Variants in RAPH1 observed in about 807,000 individuals in gnomAD.
RAPH1 encodes the protein ras-associated and pleckstrin homology domains-containing protein 1.
A neutral mutation model predicts 88.1 loss-of-function variants in RAPH1; 18 were observed. The observed-to-expected ratio is 0.20, with a 90% CI of 0.14 to 0.30. The LOEUF is 0.30. Among genes scored for constraint, RAPH1 ranks in the 10% least tolerant of loss-of-function variants. The probability of loss-of-function intolerance (pLI) is 1.00; values close to 1 mark genes in which losing one functional copy is unlikely to be tolerated. For missense variants in RAPH1, 1,448 were observed against 1,543.2 expected (o/e 0.94, Z 1.03); for synonymous variants, 587 against 559.0 (o/e 1.05, Z -0.71).
intron 4 of RAPH1, among the ~76,000 whole-genome samples, chr2:203,466,273 TTA>T (rs2098528384): frequency 6.6e-6 from 1 of 152,212 alleles, no homozygotes; most frequent in Non-Finnish European, 1.5e-5. Context: ...ATGAAAATGT[TTA>T]TGTCAAATTG....
chr2:203,441,784 A>T (rs2098504459), intron 13 of RAPH1: 1 of 1,283,550 alleles, frequency 7.8e-7, no homozygotes, highest in Non-Finnish European at 9.8e-7. Context: ...TCCTCTGAGC[A>T]CTGGACTTCC....
intron 1 of RAPH1, among the ~76,000 whole-genome samples, chr2:203,527,318 A>T (rs372688375): frequency 3.1e-4 from 47 of 152,266 alleles, no homozygotes; most frequent in African/African-American, 1.1e-3. Flanking sequence ...CACACACCAT[A>T]CAAAGTAACA....
intron 1 of RAPH1, among the ~76,000 whole-genome samples, chr2:203,518,091 T>TA (rs771317648): frequency 1.5e-4 from 23 of 151,738 alleles, no homozygotes; most frequent in South Asian, 1.0e-3. Context: ...AAATTAAATT[T>TA]AAAAAATCAA....
rs895844884 is a variant in RAPH1, at chr2:203,441,349, T to G, written c.1841A>C (p.Lys614Thr). ...TGAAGCAGTGTAGGGGGTGACTATC[T>G]TAGGTTGCGGGGATAAAGGGGGCAC... ...SLVPPLSPQP[K>T]IVTPYTASQP... is the part of the protein sequence containing the mutation. Residue 614 changes from lysine (K) to threonine (T), a missense_variant, in exon 14 of 14, where the codon AAG becomes ACG. Transcript: ENST00000319170. 6.3e-7 allele frequency: 1 copy of G among 1,577,718 alleles called. No homozygotes were observed. The highest frequency in any genetic ancestry group is 1.4e-5 in the African/African-American group (1 of 73,658).
At chr2:203,528,997 ATATATATATTTTTTTTTTT>A (rs1455166507) in intron 1 of RAPH1, among the ~76,000 whole-genome samples, 1 of 81,104 alleles carries the variant, frequency 1.2e-5, no homozygotes, top group African/African-American at 6.6e-5. Flanking sequence ...ATATATATAT[ATATATATATTTTTTTTTTT>A]TTTTTTTTTT....
At chr2:203,470,554 ATCCC>A (rs751937134) in intron 4 of RAPH1, among the ~76,000 whole-genome samples, 4 of 152,216 alleles carry the variant, frequency 2.6e-5, no homozygotes, top group Non-Finnish European at 5.9e-5. Context: ...ACTCCTGCTG[ATCCC>A]TCCCTCTTTG....
At chr2:203,508,503 G>A (rs889279780) in intron 1 of RAPH1, among the ~76,000 whole-genome samples, 2 of 152,184 alleles carry the variant, frequency 1.3e-5, no homozygotes, top group South Asian at 2.1e-4. Flanking sequence ...TGGCACCAGG[G>A]GGACTGGTTC....
At chr2:203,468,756 G>A (rs753383807) in intron 4 of RAPH1, among the ~76,000 whole-genome samples, 1 of 152,134 alleles carries the variant, frequency 6.6e-6, no homozygotes, top group African/African-American at 2.4e-5. Flanking sequence ...CTTCATCTGA[G>A]AGCTGTGTAT....
intron 4 of RAPH1, among the ~76,000 whole-genome samples, chr2:203,487,090 T>C (rs1304751661): frequency 6.6e-6 from 1 of 152,208 alleles, no homozygotes; most frequent in African/African-American, 2.4e-5. Context: ...CTATACTGTA[T>C]GAACTTTTAT....
In RAPH1 at chr2:203,437,721, C is replaced by G. The variant is rs1206191211; in HGVS notation, c.*1716G>C. On this transcript the variant is annotated 3_prime_UTR_variant, in exon 14 of 14. Transcript: ENST00000319170. Reference sequence around the variant, plus strand: ...TATGCAAGACCTTGAGTATACTGTACTAATTAAGCACTTTTGCTCATTCTA... The same window carrying G: ...TATGCAAGACCTTGAGTATACTGTAGTAATTAAGCACTTTTGCTCATTCTA... 5.6e-6 allele frequency: 1 copy of G among 179,778 alleles called. No homozygotes were observed. Among genetic ancestry groups the G allele is most frequent in the Non-Finnish European group, 1.2e-5 (1 of 86,474 alleles). The allele number at this position is 179,778 out of a possible 1,614,324, so 11.1% of individuals were successfully genotyped here. A position where few individuals can be genotyped will look rare whatever the true frequency, so the allele number is the denominator to read the frequency against.
At chr2:203,479,808 G>A (rs1348012779) in intron 4 of RAPH1, among the ~76,000 whole-genome samples, 1 of 152,002 alleles carries the variant, frequency 6.6e-6, no homozygotes, top group Admixed American at 6.6e-5. Flanking sequence ...TGAATAAAAA[G>A]GGATTATAGA....
chr2:203,481,655 G>A (rs1048568353), intron 4 of RAPH1, among the ~76,000 whole-genome samples: 5 of 148,570 alleles, frequency 3.4e-5, no homozygotes, highest in Non-Finnish European at 7.4e-5. Flanking sequence ...ACAGTGGCAT[G>A]ATCTTGGCTC....
At chr2:203,490,118 G>A in intron 3 of RAPH1, 29 bp from the exon 4 acceptor site, 1 of 1,539,686 alleles carries the variant, frequency 6.5e-7, no homozygotes, top group Non-Finnish European at 8.7e-7. Flanking sequence ...AATGTTTCCA[G>A]AATTTATACA....
At chr2:203,516,085 A>G (rs1243230677) in intron 1 of RAPH1, among the ~76,000 whole-genome samples, 2 of 152,228 alleles carry the variant, frequency 1.3e-5, no homozygotes, top group African/African-American at 2.4e-5. Flanking sequence ...ATGCTTACAT[A>G]TAAGTGAATT....
chr2:203,441,970 G>A (rs1377356848), intron 13 of RAPH1: 6 of 1,492,860 alleles, frequency 4.0e-6, no homozygotes, highest in Non-Finnish European at 5.3e-6. Flanking sequence ...AGTCACACAG[G>A]AATGAATAAG....
chr2:203,434,459 G>T lies in RAPH1; in HGVS notation c.*4978C>A, dbSNP rs2098496672. The T allele has an allele frequency of 6.6e-6, 1 of 152,008 alleles. No homozygotes were observed. 9.4% of individuals were successfully genotyped at this position (152,008 alleles called of 1,614,324 possible). A position where few individuals can be genotyped will look rare whatever the true frequency, so the allele number is the denominator to read the frequency against. On this transcript the variant is annotated 3_prime_UTR_variant, in exon 14 of 14. Transcript: ENST00000319170. ...AGCACAAGCTAATTTTATCTTAAAT[G>T]TACATCTCTGTAAGAGTTCACTAGT...
At chr2:203,483,146 A>G (rs1030122010) in intron 4 of RAPH1, among the ~76,000 whole-genome samples, 7 of 152,228 alleles carry the variant, frequency 4.6e-5, no homozygotes, top group African/African-American at 1.7e-4. Flanking sequence ...GGTTTGGGCT[A>G]TACCATGAGA....
At position 203,444,852 on chromosome 2, in the gene RAPH1, A is replaced by G. The variant is rs767354365; in HGVS notation, c.1776+16T>C. ...TACCACAGAATTTTCAATGTAAATT[A>G]AAACGAAGCTGTTACCTTGCTGGAC... is the stretch of plus-strand genomic sequence containing the variant. On this transcript the variant is annotated intron_variant, in intron 13 of 13. Transcript: ENST00000319170. 10 of 1,610,322 alleles carry G rather than the reference A, an allele frequency of 6.2e-6. No homozygotes were observed. The South Asian group carries it at 7.8e-5, about 12-fold the overall frequency.
Position 203,535,258 on chromosome 2 carries a change from G to GTGACTGAC in RAPH1, c.-156_-149dup, listed in dbSNP as rs373101454. 2,159 of 146,630 alleles carry GTGACTGAC rather than the reference G, an allele frequency of 0.015. 25 individuals are homozygous for GTGACTGAC. The highest frequency in any genetic ancestry group is 0.016 in the Non-Finnish European group (1,045 of 65,896). 9.1% of individuals were successfully genotyped at this position (146,630 alleles called of 1,614,324 possible). A position where few individuals can be genotyped will look rare whatever the true frequency, so the allele number is the denominator to read the frequency against. ...CAGCAGCTCCCGCGCCGCGCGCTCA[G>GTGACTGAC]TGACTGACTGACTGACTGACTGACT... On this transcript the variant is annotated 5_prime_UTR_variant, in exon 1 of 14. Coordinates refer to ENST00000319170, the MANE Select transcript of RAPH1 (RefSeq NM_213589.3).
Sources: gnomAD v4.1 joint callset for allele counts (sites outside exome capture counted in the v4.1 genomes callset) on GRCh38, gnomAD v4.1.1 for gene constraint, MANE v1.5 for transcripts, NCBI Gene and HGNC (gene_info 2026-07-23, HGNC 2026-07-21) for gene names.